Variants in NKAIN2 observed in about 807,000 individuals in gnomAD.
The protein encoded by NKAIN2 is sodium/potassium transporting ATPase interacting 2.
In NKAIN2, 14 loss-of-function variants were observed where a neutral mutation model predicts 32.6. The ratio of observed to expected loss-of-function variants is 0.43; its 90% CI spans 0.28 to 0.67. The LOEUF (loss-of-function observed/expected upper bound fraction) is 0.67. NKAIN2 is among the 30% of genes least tolerant of loss of function. The pLI, the probability that NKAIN2 is intolerant of heterozygous loss-of-function variation, is 0.17. For synonymous variants in NKAIN2, 80 were observed against 87.2 expected, an observed-to-expected ratio of 0.92 and a Z score of 0.46; for missense variants, 198 against 258.3, an observed-to-expected ratio of 0.77 and a Z score of 1.60.
At chr6:124,342,063 A>G (rs1036835979) in intron 2 of NKAIN2, among the ~76,000 whole-genome samples, 7 of 152,132 alleles carry the variant, frequency 4.6e-5, no homozygotes, top group African/African-American at 1.7e-4. Context: ...TTGTCCTACT[A>G]TTTTGACCAG....
At chr6:123,870,122 A>G (rs934765251) in intron 1 of NKAIN2, among the ~76,000 whole-genome samples, 1 of 152,170 alleles carries the variant, frequency 6.6e-6, no homozygotes, top group Non-Finnish European at 1.5e-5. Context: ...TCATTTGAGC[A>G]CTGGGGGTAT....
chr6:123,811,438 A>T (rs1773462736), intron 1 of NKAIN2, among the ~76,000 whole-genome samples: 1 of 151,286 alleles, frequency 6.6e-6, no homozygotes. Context: ...GGTGGGGGAG[A>T]GAGGGAGAGA....
chr6:124,651,436 G>A (rs55711286), intron 3 of NKAIN2, among the ~76,000 whole-genome samples: 215 of 152,268 alleles, frequency 1.4e-3, no homozygotes, highest in Non-Finnish European at 2.6e-3. Context: ...ACTCTGCCCC[G>A]AAGCAGGTTT....
At chr6:124,582,486 A>G (rs1583472450) in intron 3 of NKAIN2, among the ~76,000 whole-genome samples, 1 of 152,186 alleles carries the variant, frequency 6.6e-6, no homozygotes, top group East Asian at 1.9e-4. Flanking sequence ...CCAGCAATGA[A>G]AAGCTCAGGA....
At position 123,866,540 on chromosome 6, in the gene NKAIN2, A is replaced by C. The variant is rs995321315; in HGVS notation, c.54+62286A>C. On this transcript the variant is annotated intron_variant, in intron 1 of 6. Transcript: ENST00000368417. ...CCGCCTCCTGGATTCAAGCCATTCT[A>C]CTGCCTCAGCCTCCCGAGTAGCTGG... Among the ~76,000 whole-genome samples, 18 of 151,792 alleles carry C rather than the reference A, an allele frequency of 1.2e-4. 1 individual carries two copies. In the South Asian group the frequency reaches 2.7e-3, roughly 23 times the overall value.
At chr6:123,850,022 G>A (rs1294633795) in intron 1 of NKAIN2, among the ~76,000 whole-genome samples, 10 of 139,066 alleles carry the variant, frequency 7.2e-5, no homozygotes, top group Non-Finnish European at 1.2e-4. Context: ...TGCCCAGGCT[G>A]GTCTCCAACT....
chr6:123,871,270 G>A (rs1372209841), intron 1 of NKAIN2, among the ~76,000 whole-genome samples: 1 of 152,014 alleles, frequency 6.6e-6, no homozygotes, highest in Non-Finnish European at 1.5e-5. Context: ...TGTTAATAAT[G>A]ATCTTTTTTA....
intron 3 of NKAIN2, among the ~76,000 whole-genome samples, chr6:124,530,513 GA>G (rs1162478318): frequency 6.6e-6 from 1 of 152,034 alleles, no homozygotes; most frequent in African/African-American, 2.4e-5. Context: ...AACTCTTACT[GA>G]AAAAAGTCTG....
At chr6:124,007,330 T>C (rs553398066) in intron 1 of NKAIN2, among the ~76,000 whole-genome samples, 1 of 152,314 alleles carries the variant, frequency 6.6e-6, no homozygotes, top group Admixed American at 6.5e-5. Flanking sequence ...TACATTTCTC[T>C]AGCCTCCAGT....
intron 3 of NKAIN2, among the ~76,000 whole-genome samples, chr6:124,602,594 A>C (rs569681475): frequency 6.6e-6 from 1 of 152,096 alleles, no homozygotes; most frequent in African/African-American, 2.4e-5. Context: ...AGGGGAAAGA[A>C]ACGAAAAAGC....
chr6:123,863,392 A>G (rs1165227561), intron 1 of NKAIN2, among the ~76,000 whole-genome samples: 4 of 152,196 alleles, frequency 2.6e-5, no homozygotes, highest in African/African-American at 9.7e-5. Flanking sequence ...TTACTTCCAA[A>G]TGAAGTTTTA....
At chr6:124,388,193 A>C (rs891989651) in intron 3 of NKAIN2, among the ~76,000 whole-genome samples, 5 of 151,730 alleles carry the variant, frequency 3.3e-5, no homozygotes, top group African/African-American at 1.2e-4. Flanking sequence ...CAAAAAAAAA[A>C]CCCTGCTTAC....
At position 123,966,818 on chromosome 6, in the gene NKAIN2, G is replaced by A. The variant is rs182727774; in HGVS notation, c.54+162564G>A. On this transcript the variant is annotated intron_variant, in intron 1 of 6. Coordinates refer to ENST00000368417, the MANE Select transcript of NKAIN2 (RefSeq NM_001040214.3). The stretch of plus-strand genomic sequence containing the variant: ...TTTTCACTCAACAAATACTGTTCAC[G>A]TGTCAGATGCCAAGTGCTGGGTGTT... 4.6e-5 allele frequency among the ~76,000 whole-genome samples: 7 copies of A among 152,236 alleles called. No individual in the cohort carries two copies. In the East Asian group the frequency reaches 7.7e-4, roughly 17 times the overall value.
intron 1 of NKAIN2, among the ~76,000 whole-genome samples, chr6:124,197,371 T>A (rs538548196): frequency 6.6e-6 from 1 of 152,236 alleles, no homozygotes; most frequent in South Asian, 2.1e-4. Context: ...CGACAGTCAA[T>A]ACAGTTTGTG....
At chr6:124,339,763 T>C (rs930551126) in intron 2 of NKAIN2, among the ~76,000 whole-genome samples, 1 of 152,180 alleles carries the variant, frequency 6.6e-6, no homozygotes, top group African/African-American at 2.4e-5. Flanking sequence ...TCACAGGTCC[T>C]AGGGATTAGC....
At chr6:124,623,993 C>T (rs894241076) in intron 3 of NKAIN2, among the ~76,000 whole-genome samples, 5 of 151,764 alleles carry the variant, frequency 3.3e-5, no homozygotes, top group African/African-American at 1.2e-4. Context: ...GAAGAATGTA[C>T]TGTGATTGGT....
intron 2 of NKAIN2, among the ~76,000 whole-genome samples, chr6:124,348,859 C>T (rs1344283413): frequency 6.6e-6 from 1 of 152,110 alleles, no homozygotes; most frequent in Non-Finnish European, 1.5e-5. Context: ...AAAGGGGTGA[C>T]AGACAACACC....
intron 3 of NKAIN2, among the ~76,000 whole-genome samples, chr6:124,607,990 G>A (rs1192046442): frequency 6.6e-6 from 1 of 152,070 alleles, no homozygotes; most frequent in Admixed American, 6.5e-5. Flanking sequence ...GGTATGTTAG[G>A]TATATCGAAT....
chr6:123,809,410 T>C (rs1773359954), intron 1 of NKAIN2, among the ~76,000 whole-genome samples: 1 of 152,142 alleles, frequency 6.6e-6, no homozygotes, highest in Non-Finnish European at 1.5e-5. Flanking sequence ...AATAAAATTA[T>C]ATGAAGCATT....
Sources: allele counts gnomAD v4.1 joint callset (sites outside exome capture counted in the v4.1 genomes callset), GRCh38; gene constraint gnomAD v4.1.1; transcripts MANE v1.5; gene names NCBI Gene and HGNC (gene_info 2026-07-23, HGNC 2026-07-21).